The following KCNH8 variants were observed in gnomAD, a reference collection of about 807,000 sequenced individuals.
The protein encoded by KCNH8 is voltage-gated delayed rectifier potassium channel KCNH8.
A neutral mutation model predicts 103.6 loss-of-function variants in KCNH8; 70 were observed. The ratio of observed to expected loss-of-function variants is 0.68; its 90% confidence interval spans 0.56 to 0.82. The LOEUF (loss-of-function observed/expected upper bound fraction) is 0.82. Ranked by LOEUF, KCNH8 falls within the 40% of genes least tolerant of loss-of-function variation. KCNH8 has a pLI of 0.00. For synonymous variants in KCNH8, 498 were observed against 489.4 expected, an observed-to-expected ratio of 1.02 and a Z score of -0.23; for missense variants, 1,217 against 1,329.9, an observed-to-expected ratio of 0.92 and a Z score of 1.32.
chr3:19,400,790 A>C (rs1387395415), intron 7 of KCNH8, among the ~76,000 whole-genome samples: 1 of 151,954 alleles, frequency 6.6e-6, no homozygotes, highest in Admixed American at 6.6e-5. Flanking sequence ...TTAACTACTT[A>C]GCATTTACAA....
chr3:19,463,453 C>A (rs1300117471), intron 11 of KCNH8, among the ~76,000 whole-genome samples: 1 of 151,508 alleles, frequency 6.6e-6, no homozygotes, highest in Non-Finnish European at 1.5e-5. Flanking sequence ...GAAAAATGGG[C>A]AAAATATATG....
chr3:19,148,684 A>G lies in KCNH8; in HGVS notation c.-36A>G, dbSNP rs2063099371. ...TTCCTTTCGAACCATCCTTCTGGAC[A>G]AACTTTGATGGAGAATTTCACACCA... On this transcript the variant is annotated 5_prime_UTR_variant, in exon 1 of 16. Transcript: ENST00000328405. 6.2e-7 allele frequency: 1 copy of G among 1,605,388 alleles called. No individual in the cohort carries two copies. Among genetic ancestry groups the G allele is most frequent in the African/African-American group, 1.3e-5 (1 of 74,780 alleles).
At chr3:19,476,831 T>C (rs563171674) in intron 11 of KCNH8, among the ~76,000 whole-genome samples, 2 of 152,278 alleles carry the variant, frequency 1.3e-5, no homozygotes, top group African/African-American at 4.8e-5. Flanking sequence ...TCCAAGCTTT[T>C]AAATAGGTAT....
intron 11 of KCNH8, among the ~76,000 whole-genome samples, chr3:19,503,947 G>T (rs2068642760): frequency 1.3e-5 from 2 of 151,432 alleles, no homozygotes; most frequent in African/African-American, 4.8e-5. Flanking sequence ...TAATAATAAA[G>T]AAAATTACTT....
intron 1 of KCNH8, among the ~76,000 whole-genome samples, chr3:19,250,220 G>A (rs1281041316): frequency 6.6e-6 from 1 of 151,942 alleles, no homozygotes; most frequent in Non-Finnish European, 1.5e-5. Context: ...AGCTGTGATT[G>A]TGTCACTGCA....
chr3:19,318,662 TACACAC>T lies in KCNH8; in HGVS notation c.443-23905_443-23900del, dbSNP rs141442113. 3.6e-3 allele frequency among the ~76,000 whole-genome samples: 515 copies of T among 142,502 alleles called. 3 individuals are homozygous for T. Among genetic ancestry groups the T allele is most frequent in the African/African-American group, 0.01 (397 of 38,744 alleles). The allele number at this position is 142,502 out of a possible 152,430, so 93.5% of individuals were successfully genotyped here. ...GTAAGTGTGTGTGTGTGTGTGTGTG[TACACAC>T]ACACACACACACACACACATATACG... On this transcript the variant is annotated intron_variant, in intron 3 of 15. Transcript: ENST00000328405.
intron 2 of KCNH8, among the ~76,000 whole-genome samples, chr3:19,274,862 ACCCCTCCCCTCCCCACCCCT>A (rs1389566602): frequency 0.057 from 375 of 6,522 alleles, 6 homozygotes; most frequent in African/African-American, 0.21. Context: ...TCCCCTCCCC[ACCCCTCCCCTCCCCACCCCT>A]CCCCTCCCCT....
chr3:19,246,735 A>C (rs960645046), intron 1 of KCNH8, among the ~76,000 whole-genome samples: 1 of 152,004 alleles, frequency 6.6e-6, no homozygotes, highest in Non-Finnish European at 1.5e-5. Flanking sequence ...TTCCAGTGCT[A>C]TTCTAAAGAA....
At chr3:19,436,753 T>C (rs771667285) in intron 7 of KCNH8, among the ~76,000 whole-genome samples, 29 of 152,252 alleles carry the variant, frequency 1.9e-4, no homozygotes, top group Admixed American at 9.8e-4. Flanking sequence ...TGAACAGACA[T>C]TGAGTAAGCA....
intron 7 of KCNH8, among the ~76,000 whole-genome samples, chr3:19,420,186 C>T (rs1053841097): frequency 8.5e-5 from 13 of 152,174 alleles, no homozygotes; most frequent in Non-Finnish European, 1.5e-4. Flanking sequence ...TTCATTGCTA[C>T]GGCTGCCACT....
chr3:19,259,513 A>G (rs557229170), intron 2 of KCNH8, among the ~76,000 whole-genome samples: 1 of 152,022 alleles, frequency 6.6e-6, no homozygotes, highest in Non-Finnish European at 1.5e-5. Flanking sequence ...TGATGTAGAA[A>G]AATGACTTAA....
chr3:19,376,133 C>G (rs947435970), intron 5 of KCNH8, among the ~76,000 whole-genome samples: 8 of 151,318 alleles, frequency 5.3e-5, no homozygotes, highest in South Asian at 2.1e-4. Flanking sequence ...CCACCCAGTT[C>G]GAGCGTCCAG....
intron 5 of KCNH8, among the ~76,000 whole-genome samples, chr3:19,379,899 T>C (rs2066266008): frequency 6.6e-6 from 1 of 152,166 alleles, no homozygotes; most frequent in African/African-American, 2.4e-5. Context: ...TCCATATTGC[T>C]AGGAGAAACA....
At chr3:19,186,555 G>T (rs927573601) in intron 1 of KCNH8, among the ~76,000 whole-genome samples, 6 of 151,946 alleles carry the variant, frequency 3.9e-5, no homozygotes, top group African/African-American at 1.4e-4. Context: ...GGTGGAGGCA[G>T]GGAGAATAAG....
chr3:19,397,902 C>T lies in KCNH8; in HGVS notation c.1177+2591C>T, dbSNP rs186575520. ...TGAACACAGATTAAATAATCATGACCTTCCCTACCTAACTTTATAATGAAG... is the reference window on the plus strand; with the variant it reads ...TGAACACAGATTAAATAATCATGACTTTCCCTACCTAACTTTATAATGAAG... On this transcript the variant is annotated intron_variant, in intron 7 of 15. Transcript: ENST00000328405. Among the ~76,000 whole-genome samples the T allele has an allele frequency of 1.3e-3, 205 of 151,930 alleles. 1 individual carries two copies. The highest frequency in any genetic ancestry group is 4.6e-3 in the African/African-American group (191 of 41,476).
intron 15 of KCNH8, among the ~76,000 whole-genome samples, chr3:19,532,185 G>C (rs2069173784): frequency 6.6e-6 from 1 of 152,130 alleles, no homozygotes; most frequent in Non-Finnish European, 1.5e-5. Context: ...TGTATTTTAA[G>C]TATAAAATGA....
chr3:19,508,531 G>A (rs1170800044), intron 11 of KCNH8, among the ~76,000 whole-genome samples: 2 of 152,068 alleles, frequency 1.3e-5, no homozygotes, highest in African/African-American at 2.4e-5. Context: ...GGATCACAGT[G>A]GGAATTAATG....
intron 11 of KCNH8, among the ~76,000 whole-genome samples, chr3:19,486,800 C>T (rs907157139): frequency 1.3e-5 from 2 of 152,142 alleles, no homozygotes; most frequent in African/African-American, 2.4e-5. Flanking sequence ...CCTTACAGCT[C>T]GTAGGAATTC....
chr3:19,482,598 A>C (rs1051574341), intron 11 of KCNH8, among the ~76,000 whole-genome samples: 2 of 152,180 alleles, frequency 1.3e-5, no homozygotes, highest in African/African-American at 4.8e-5. Flanking sequence ...TTACTATTAT[A>C]ACTCTTATTA....
Sources: allele counts gnomAD v4.1 joint callset (sites outside exome capture counted in the v4.1 genomes callset), GRCh38; gene constraint gnomAD v4.1.1; transcripts MANE v1.5; gene names NCBI Gene and HGNC (gene_info 2026-07-23, HGNC 2026-07-21).